KCND3: variants seen among roughly 807,000 people sequenced by gnomAD.
KCND3 encodes the protein A-type voltage-gated potassium channel KCND3.
Under a neutral mutation model 51.1 loss-of-function variants are expected in KCND3, and 9 were observed. That is an observed-to-expected ratio of 0.18 (90% CI 0.11 to 0.31). The LOEUF (loss-of-function observed/expected upper bound fraction) is 0.31. Ranked by LOEUF, KCND3 falls within the 10% of genes least tolerant of loss-of-function variation. KCND3 has a pLI of 1.00. For missense variants in KCND3, 526 were observed against 903.8 expected, an observed-to-expected ratio of 0.58 and a Z score of 5.36; for synonymous variants, 349 against 368.0, an observed-to-expected ratio of 0.95 and a Z score of 0.59.
chr1:111,884,846 C>G (rs1303113521), intron 2 of KCND3, among the ~76,000 whole-genome samples: 5 of 152,138 alleles, frequency 3.3e-5, no homozygotes. Context: ...GGTTCTAAAG[C>G]AGGGTTTCTC....
intron 2 of KCND3, among the ~76,000 whole-genome samples, chr1:111,816,399 C>T (rs974018393): frequency 2.0e-5 from 3 of 152,256 alleles, no homozygotes; most frequent in Non-Finnish European, 4.4e-5. Flanking sequence ...GAAAGCTTTG[C>T]GTGCATTCGC....
intron 1 of KCND3, among the ~76,000 whole-genome samples, chr1:111,988,474 G>A (rs552790118): frequency 1.3e-5 from 2 of 152,254 alleles, no homozygotes; most frequent in African/African-American, 4.8e-5. Context: ...GTAGAGACGA[G>A]GAAAAAATAA....
chr1:111,956,124 C>G (rs1272061921), intron 2 of KCND3, among the ~76,000 whole-genome samples: 3 of 152,078 alleles, frequency 2.0e-5, no homozygotes, highest in African/African-American at 7.2e-5. Context: ...GGACAGATTG[C>G]AGATACTAGA....
At chr1:111,932,063 C>T (rs1170494777) in intron 2 of KCND3, among the ~76,000 whole-genome samples, 3 of 152,322 alleles carry the variant, frequency 2.0e-5, no homozygotes, top group African/African-American at 7.2e-5. Flanking sequence ...CAAAGCCAGC[C>T]GCAGCAGGCC....
intron 2 of KCND3, among the ~76,000 whole-genome samples, chr1:111,850,697 G>A (rs1220029616): frequency 3.3e-5 from 5 of 152,182 alleles, no homozygotes; most frequent in African/African-American, 4.8e-5. Flanking sequence ...GGACTTTCTC[G>A]TGTTTGTCTT....
chr1:111,938,657 G>C (rs1672334552), intron 2 of KCND3, among the ~76,000 whole-genome samples: 1 of 152,200 alleles, frequency 6.6e-6, no homozygotes, highest in Non-Finnish European at 1.5e-5. Flanking sequence ...ATCTGAGGAA[G>C]AGGGTCCAGG....
At chr1:111,870,693 A>T (rs1330926086) in intron 2 of KCND3, among the ~76,000 whole-genome samples, 1 of 149,292 alleles carries the variant, frequency 6.7e-6, no homozygotes, top group Non-Finnish European at 1.5e-5. Context: ...CTTGTTGAAG[A>T]TGGTACATGG....
At chr1:111,805,346 C>T (rs887111046) in intron 2 of KCND3, among the ~76,000 whole-genome samples, 34 of 152,194 alleles carry the variant, frequency 2.2e-4, no homozygotes, top group African/African-American at 7.0e-4. Context: ...AGAGATCCAC[C>T]GCCACAACCT....
chr1:111,805,252 A>G (rs1190409693), intron 2 of KCND3, among the ~76,000 whole-genome samples: 1 of 152,254 alleles, frequency 6.6e-6, no homozygotes, highest in Non-Finnish European at 1.5e-5. Context: ...AAAATCCTCA[A>G]GAAAAGAACA....
chr1:111,789,137 C>A (rs1207507844), intron 2 of KCND3, among the ~76,000 whole-genome samples: 1 of 152,112 alleles, frequency 6.6e-6, no homozygotes, highest in Admixed American at 6.6e-5. Context: ...AAGAACAATG[C>A]CAGGAAGGCT....
chr1:111,876,079 C>T (rs1216917298), intron 2 of KCND3, among the ~76,000 whole-genome samples: 1 of 152,182 alleles, frequency 6.6e-6, no homozygotes, highest in African/African-American at 2.4e-5. Flanking sequence ...CGCAGGGAAA[C>T]TAGCCCCCAA....
At chr1:111,807,256 C>T (rs1665612436) in intron 2 of KCND3, among the ~76,000 whole-genome samples, 1 of 152,234 alleles carries the variant, frequency 6.6e-6, no homozygotes, top group African/African-American at 2.4e-5. Context: ...CAGTGATGAA[C>T]TGCATATATG....
intron 2 of KCND3, among the ~76,000 whole-genome samples, chr1:111,813,825 T>C (rs1306923094): frequency 6.6e-6 from 1 of 152,202 alleles, no homozygotes; most frequent in Non-Finnish European, 1.5e-5. Context: ...ATTATATAGA[T>C]GAGGAAACTG....
intron 2 of KCND3, among the ~76,000 whole-genome samples, chr1:111,888,479 C>A (rs535534095): frequency 6.6e-6 from 1 of 151,898 alleles, no homozygotes; most frequent in Non-Finnish European, 1.5e-5. Context: ...TGAGGTCAGG[C>A]GTTCCCAGCC....
At chr1:111,805,977 C>A (rs1057477804) in intron 2 of KCND3, among the ~76,000 whole-genome samples, 5 of 152,192 alleles carry the variant, frequency 3.3e-5, no homozygotes, top group African/African-American at 1.2e-4. Flanking sequence ...CAGAGGAACA[C>A]TGTGGTTCCC....
chr1:111,945,395 T>C (rs1345799820), intron 2 of KCND3, among the ~76,000 whole-genome samples: 1 of 152,220 alleles, frequency 6.6e-6, no homozygotes, highest in Non-Finnish European at 1.5e-5. Context: ...GGCCCTTCTA[T>C]GGCTATCTCC....
rs1260616839 is a variant in KCND3 at position 111,982,913 on chromosome 1, A to G, written c.-72-115T>C. The G allele has an allele frequency of 1.3e-6, 1 of 779,008 alleles. No individual in the cohort carries two copies. Among genetic ancestry groups the G allele is most frequent in the Admixed American group, 2.4e-5 (1 of 41,196 alleles). The allele number at this position is 779,008 out of a possible 1,614,324, so 48.3% of individuals were successfully genotyped here. ...GAAACGGCCAAAGTCTCCAGGGCAG[A>G]TTAATAAAACTGAAATCCCCACCAC... On this transcript the variant is annotated intron_variant, in intron 1 of 7. Coordinates refer to ENST00000302127, the MANE Select transcript of KCND3 (RefSeq NM_001378969.1). This position sits in a 1 kb window ranked among gnomAD's most constrained non-coding sequence, Gnocchi z 8.5.
chr1:111,873,653 G>T (rs556352713), intron 2 of KCND3, among the ~76,000 whole-genome samples: 1 of 152,184 alleles, frequency 6.6e-6, no homozygotes, highest in South Asian at 2.1e-4. Context: ...TGGGCATTTG[G>T]CTAGAGAGGA....
intron 2 of KCND3, among the ~76,000 whole-genome samples, chr1:111,813,572 AGCTGTCTTAGGCTCGCCTAGCCACAGCCG>A (rs1310020872): frequency 1.3e-5 from 2 of 152,238 alleles, no homozygotes; most frequent in African/African-American, 4.8e-5. Flanking sequence ...TGAAGGCTCT[AGCTGTCTTAGGCTCGCCTAGCCACAGCCG>A]GGCCAAGGGG....
Sources: gnomAD v4.1 joint callset for allele counts (sites outside exome capture counted in the v4.1 genomes callset) on GRCh38, gnomAD v4.1.1 for gene constraint, Gnocchi (gnomAD v3.1) non-coding constraint, MANE v1.5 for transcripts, NCBI Gene and HGNC (gene_info 2026-07-23, HGNC 2026-07-21) for gene names.